The following PRKN variants were observed in gnomAD, a reference collection of about 807,000 sequenced individuals.
PRKN encodes E3 ubiquitin-protein ligase parkin.
A neutral mutation model predicts 59.5 loss-of-function variants in PRKN; 56 were observed. The ratio of observed to expected loss-of-function variants is 0.94; its 90% confidence interval spans 0.76 to 1.18. The LOEUF is 1.18. Among genes scored for constraint, PRKN ranks in the 50% most tolerant of loss-of-function variants. The pLI is 0.00. For synonymous variants in PRKN, 250 were observed against 222.1 expected, an observed-to-expected ratio of 1.13 and a Z score of -1.12; for missense variants, 657 against 596.4, an observed-to-expected ratio of 1.10 and a Z score of -1.06.
At chr6:161,912,781 C>T (rs112914527) in intron 6 of PRKN, among the ~76,000 whole-genome samples, 1,941 of 152,190 alleles carry the variant, frequency 0.013, 40 homozygotes, top group African/African-American at 0.042. Flanking sequence ...ACCACATCTC[C>T]AGCAGAACTC....
intron 7 of PRKN, among the ~76,000 whole-genome samples, chr6:161,760,701 C>T (rs146513190): frequency 2.0e-5 from 3 of 152,266 alleles, no homozygotes; most frequent in Non-Finnish European, 2.9e-5. Context: ...CACAGAACCC[C>T]GTCCATGGCT....
At chr6:161,536,553 C>G (rs1454807624) in intron 9 of PRKN, among the ~76,000 whole-genome samples, 2 of 152,130 alleles carry the variant, frequency 1.3e-5, no homozygotes, top group Admixed American at 1.3e-4. Context: ...AGAAACTTAC[C>G]CCTGCCAGCT....
At chr6:162,399,666 A>C (rs144933188) in intron 2 of PRKN, among the ~76,000 whole-genome samples, 31 of 152,346 alleles carry the variant, frequency 2.0e-4, no homozygotes, top group African/African-American at 6.0e-4. Context: ...CTGGCAACCT[A>C]TTCTAGTAAG....
At chr6:162,454,934 G>A (rs1183829956) in intron 1 of PRKN, among the ~76,000 whole-genome samples, 1 of 152,162 alleles carries the variant, frequency 6.6e-6, no homozygotes, top group Non-Finnish European at 1.5e-5. Context: ...GGTAAAGGTT[G>A]GCATTAGGAA....
chr6:161,741,844 A>T (rs1221169669), intron 7 of PRKN, among the ~76,000 whole-genome samples: 1 of 152,112 alleles, frequency 6.6e-6, no homozygotes, highest in Non-Finnish European at 1.5e-5. Context: ...TAATCCCCAC[A>T]TGTTAAGGGC....
rs184345663 is a variant in PRKN, at chr6:161,407,862, C to T, written c.1084-20985G>A. Among the ~76,000 whole-genome samples, 201 of 152,242 alleles carry T rather than the reference C, an allele frequency of 1.3e-3. No individual in the cohort carries two copies. Among genetic ancestry groups the T allele is most frequent in the African/African-American group, 4.4e-3 (181 of 41,528 alleles). On this transcript the variant is annotated intron_variant, in intron 9 of 11. Coordinates refer to ENST00000366898, the MANE Select transcript of PRKN (RefSeq NM_004562.3). This position sits in a 1 kb window ranked among gnomAD's most constrained non-coding sequence, Gnocchi z 4.9. Reference sequence around the variant, plus strand: ...TTTCGGACAATGAGTCTTATGATCTCCCCACCATGCACCTTGTAATCCCCT... The same window carrying T: ...TTTCGGACAATGAGTCTTATGATCTTCCCACCATGCACCTTGTAATCCCCT...
chr6:162,653,733 G>A (rs1778534971), intron 1 of PRKN, among the ~76,000 whole-genome samples: 1 of 152,050 alleles, frequency 6.6e-6, no homozygotes, highest in South Asian at 2.1e-4. Context: ...AATAGCAGAG[G>A]AAATGTTTAT....
intron 3 of PRKN, among the ~76,000 whole-genome samples, chr6:162,247,658 AATACTATT>A (rs1441900495): frequency 2.6e-5 from 4 of 152,152 alleles, no homozygotes; most frequent in Non-Finnish European, 4.4e-5. Flanking sequence ...GCATAGTAAA[AATACTATT>A]TTTCCCTTTT....
At chr6:162,412,909 A>C (rs1788420443) in intron 2 of PRKN, among the ~76,000 whole-genome samples, 1 of 152,218 alleles carries the variant, frequency 6.6e-6, no homozygotes, top group African/African-American at 2.4e-5. Context: ...TTTTGCATTA[A>C]AACATTTTTT....
rs766268349 is a variant in PRKN, at chr6:161,475,312, C to T, written c.1083+73542G>A. Among the ~76,000 whole-genome samples, 4 of 152,158 alleles carry T rather than the reference C, an allele frequency of 2.6e-5. 1 individual carries two copies. Among genetic ancestry groups the T allele is most frequent in the South Asian group, 4.1e-4 (2 of 4,836 alleles). On this transcript the variant is annotated intron_variant, in intron 9 of 11. Coordinates refer to ENST00000366898, the MANE Select transcript of PRKN (RefSeq NM_004562.3). The surrounding 1 kb of genome is among the most constrained non-coding windows in gnomAD (Gnocchi z 5.3). ...CCCACACTGGTGACCCAGACATTCA[C>T]GTTGCTTTCCAGTATTCCCATTTGC...
chr6:161,614,963 CAG>C (rs71694349), intron 7 of PRKN, among the ~76,000 whole-genome samples: 2,332 of 147,222 alleles, frequency 0.016, 26 homozygotes, highest in African/African-American at 0.025. Context: ...GAGAGGAAGA[CAG>C]AGAGAGAGAG....
intron 1 of PRKN, among the ~76,000 whole-genome samples, chr6:162,453,042 G>C (rs921937423): frequency 6.6e-6 from 1 of 152,126 alleles, no homozygotes; most frequent in Non-Finnish European, 1.5e-5. Flanking sequence ...AAGGTGGATC[G>C]CAAGGCTCAA....
intron 1 of PRKN, among the ~76,000 whole-genome samples, chr6:162,711,776 A>G (rs557994561): frequency 6.6e-6 from 1 of 152,286 alleles, no homozygotes; most frequent in African/African-American, 2.4e-5. Flanking sequence ...ATGTCTCTCC[A>G]TTAGGCATGA....
intron 3 of PRKN, among the ~76,000 whole-genome samples, chr6:162,236,808 A>G (rs1381043317): frequency 1.3e-5 from 2 of 151,042 alleles, no homozygotes; most frequent in Admixed American, 1.3e-4. Context: ...AAAAGAAAGA[A>G]AGAGAGAGAG....
intron 1 of PRKN, among the ~76,000 whole-genome samples, chr6:162,669,856 G>A (rs1479038520): frequency 6.6e-6 from 1 of 152,022 alleles, no homozygotes; most frequent in Non-Finnish European, 1.5e-5. Flanking sequence ...TGGCATATTT[G>A]GCATCAATAG....
At chr6:162,297,171 T>TTCC (rs1554297012) in intron 2 of PRKN, among the ~76,000 whole-genome samples, 1 of 128,660 alleles carries the variant, frequency 7.8e-6, no homozygotes, top group African/African-American at 3.1e-5. Flanking sequence ...GAATTTTTCT[T>TTCC]TTCTTTTTTT....
intron 4 of PRKN, among the ~76,000 whole-genome samples, chr6:162,099,370 A>G (rs1454397325): frequency 6.6e-6 from 1 of 152,234 alleles, no homozygotes; most frequent in South Asian, 2.1e-4. Context: ...TTTCATACTG[A>G]AACAAGTTAA....
intron 1 of PRKN, among the ~76,000 whole-genome samples, chr6:162,705,897 C>T (rs183791506): frequency 1.2e-4 from 18 of 152,128 alleles, no homozygotes; most frequent in Admixed American, 1.1e-3. Flanking sequence ...GTTTGACTCC[C>T]GTGGATTCTG....
At chr6:161,719,270 GAAATAAAGA>G (rs1189723944) in intron 7 of PRKN, among the ~76,000 whole-genome samples, 2 of 151,350 alleles carry the variant, frequency 1.3e-5, no homozygotes, top group Non-Finnish European at 2.9e-5. Context: ...AGTTGCAGGA[GAAATAAAGA>G]AAGTAAAGAG....
Sources: gnomAD v4.1 joint callset for allele counts (sites outside exome capture counted in the v4.1 genomes callset) on GRCh38, gnomAD v4.1.1 for gene constraint, Gnocchi (gnomAD v3.1) non-coding constraint, MANE v1.5 for transcripts, NCBI Gene and HGNC (gene_info 2026-07-23, HGNC 2026-07-21) for gene names.